The following DPY19L2 variants were observed in gnomAD, a reference collection of about 807,000 sequenced individuals.
DPY19L2 encodes dpy-19 like 2.
A neutral mutation model predicts 97.9 loss-of-function variants in DPY19L2; 34 were observed. That is an observed-to-expected ratio of 0.35 (90% confidence interval 0.26 to 0.46). The LOEUF is 0.46. Among genes scored for constraint, DPY19L2 ranks in the 20% least tolerant of loss-of-function variants. The pLI is 1.00. For synonymous variants in DPY19L2, 230 were observed against 307.9 expected (o/e 0.75, Z 2.65); for missense variants, 623 against 911.4 (o/e 0.68, Z 4.07).
chr12:63,590,525 A>G (rs1319116586), intron 16 of DPY19L2, among the ~76,000 whole-genome samples: 2 of 152,124 alleles, frequency 1.3e-5, no homozygotes, highest in Non-Finnish European at 2.9e-5. Flanking sequence ...TGATATGGGA[A>G]AGGCAGTCAC....
At chr12:63,640,038 C>G (rs1892436684) in intron 6 of DPY19L2, among the ~76,000 whole-genome samples, 1 of 152,156 alleles carries the variant, frequency 6.6e-6, no homozygotes, top group Non-Finnish European at 1.5e-5. Context: ...ATGATGAGTT[C>G]ACATCCTTGG....
At chr12:63,597,520 C>T (rs2942618) in intron 14 of DPY19L2, among the ~76,000 whole-genome samples, 1 of 151,748 alleles carries the variant, frequency 6.6e-6, no homozygotes, top group Non-Finnish European at 1.5e-5. Context: ...CCTAGATTAT[C>T]AAAAGTAATT....
chr12:63,574,536 C>T (rs1879463125), intron 19 of DPY19L2, among the ~76,000 whole-genome samples: 1 of 151,748 alleles, frequency 6.6e-6, no homozygotes, highest in Admixed American at 6.6e-5. Flanking sequence ...TAAAACAAAA[C>T]ACTAAGAATC....
At chr12:63,576,092 A>G (rs1879758296) in intron 19 of DPY19L2, among the ~76,000 whole-genome samples, 3 of 152,010 alleles carry the variant, frequency 2.0e-5, no homozygotes, top group Admixed American at 2.0e-4. Context: ...AAGATTATTC[A>G]TCATGACCAA....
intron 12 of DPY19L2, among the ~76,000 whole-genome samples, chr12:63,604,427 A>G (rs541317569): frequency 1.3e-5 from 2 of 152,130 alleles, no homozygotes; most frequent in Non-Finnish European, 2.9e-5. Context: ...ACTTCTTAAA[A>G]TACTATTCAG....
intron 16 of DPY19L2, among the ~76,000 whole-genome samples, chr12:63,590,207 A>G (rs1178886620): frequency 6.6e-6 from 1 of 152,206 alleles, no homozygotes. Context: ...AAACACATGA[A>G]AAGCTGCAAA....
chr12:63,640,219 G>A (rs1892476531), intron 6 of DPY19L2, among the ~76,000 whole-genome samples: 1 of 152,138 alleles, frequency 6.6e-6, no homozygotes, highest in South Asian at 2.1e-4. Context: ...GGGGAAGAAG[G>A]AGGGATAGCA....
At chr12:63,569,869 C>A (rs61935045) in intron 20 of DPY19L2, among the ~76,000 whole-genome samples, 11,949 of 152,098 alleles carry the variant, frequency 0.079, 558 homozygotes, top group Middle Eastern at 0.15. Flanking sequence ...AAATATGGTA[C>A]AATAGGTGAT....
chr12:63,590,016 T>C (rs1042188538), intron 16 of DPY19L2, among the ~76,000 whole-genome samples: 8 of 152,004 alleles, frequency 5.3e-5, no homozygotes, highest in African/African-American at 1.7e-4. Context: ...TTATCCCAGC[T>C]ACTCCAGAGG....
At chr12:63,589,749 C>T (rs1221928971) in intron 16 of DPY19L2, among the ~76,000 whole-genome samples, 1 of 151,982 alleles carries the variant, frequency 6.6e-6, no homozygotes, top group Non-Finnish European at 1.5e-5. Flanking sequence ...AAAGCAGAGA[C>T]CATAAATGAA....
rs755945779 is a variant in DPY19L2, at chr12:63,597,945, C to T, written c.1360-35G>A. 2.4e-5 allele frequency: 36 copies of T among 1,494,420 alleles called. No homozygotes were observed. In the South Asian group the frequency reaches 4.0e-4, roughly 17 times the overall value. The allele number at this position is 1,494,420 out of a possible 1,614,324, so 92.6% of individuals were successfully genotyped here. ...AATAAAGTAAAATGAATTAAAATTA[C>T]ACAAGTGATTATAGCCTATAGACAG... On this transcript the variant is annotated intron_variant, in intron 13 of 21. Coordinates refer to ENST00000324472, the MANE Select transcript of DPY19L2 (RefSeq NM_173812.5).
chr12:63,648,241 G>T (rs1486796518), intron 4 of DPY19L2, among the ~76,000 whole-genome samples: 1 of 152,084 alleles, frequency 6.6e-6, no homozygotes, highest in Non-Finnish European at 1.5e-5. Context: ...TTAGACTCCA[G>T]AATTGTGAGA....
At chr12:63,599,143 GC>G (rs1482303789) in intron 13 of DPY19L2, among the ~76,000 whole-genome samples, 1 of 149,506 alleles carries the variant, frequency 6.7e-6, no homozygotes, top group Non-Finnish European at 1.5e-5. Context: ...CTGCATTCCA[GC>G]CTGGGTGACA....
intron 21 of DPY19L2, among the ~76,000 whole-genome samples, chr12:63,566,636 T>C (rs1168519961): frequency 6.6e-6 from 1 of 151,952 alleles, no homozygotes; most frequent in Non-Finnish European, 1.5e-5. Flanking sequence ...TTTGACCCTA[T>C]TGCTGAGCAG....
chr12:63,608,465 T>C (rs1351286711), intron 12 of DPY19L2, 151 bp downstream of exon 12: 2 of 903,196 alleles, frequency 2.2e-6, no homozygotes, highest in East Asian at 2.8e-5. Context: ...TTTCCTTACA[T>C]ATCTATCTAC....
intron 12 of DPY19L2, among the ~76,000 whole-genome samples, chr12:63,602,825 A>T (rs904303869): frequency 9.2e-5 from 14 of 152,314 alleles, no homozygotes; most frequent in African/African-American, 3.1e-4. Context: ...GACGTTATTT[A>T]AAGAAGTTGA....
chr12:63,582,190 AT>A (rs1207041590), intron 18 of DPY19L2, among the ~76,000 whole-genome samples: 1 of 152,056 alleles, frequency 6.6e-6, no homozygotes, highest in Non-Finnish European at 1.5e-5. Context: ...TGTTATAGAA[AT>A]ATCAATTAAA....
intron 16 of DPY19L2, among the ~76,000 whole-genome samples, chr12:63,590,189 T>C (rs1042575086): frequency 2.0e-5 from 3 of 151,712 alleles, no homozygotes; most frequent in Non-Finnish European, 4.4e-5. Context: ...AAAAGAAACA[T>C]AGTAAACAAA....
chr12:63,626,670 T>C, intron 6 of DPY19L2, 144 bp from the exon 7 acceptor site: 1 of 1,128,856 alleles, frequency 8.9e-7, no homozygotes, highest in South Asian at 1.7e-5. Context: ...CCCATGTGGT[T>C]GAAGTTTAAA....
Sources: allele counts gnomAD v4.1 joint callset (sites outside exome capture counted in the v4.1 genomes callset), GRCh38; gene constraint gnomAD v4.1.1; transcripts MANE v1.5; gene names NCBI Gene and HGNC (gene_info 2026-07-23, HGNC 2026-07-21).